The following MBOAT2 variants were observed in gnomAD, a reference collection of about 807,000 sequenced individuals.
MBOAT2 encodes membrane-bound glycerophospholipid O-acyltransferase 2.
A neutral mutation model predicts 63.4 loss-of-function variants in MBOAT2; 28 were observed. That is an observed-to-expected ratio of 0.44 (90% CI 0.33 to 0.61). The LOEUF (loss-of-function observed/expected upper bound fraction) is 0.61. Ranked by LOEUF, MBOAT2 falls within the 20% of genes least tolerant of loss-of-function variation. The pLI is 0.03. For missense variants in MBOAT2, 470 were observed against 605.8 expected (o/e 0.78, Z 2.35); for synonymous variants, 211 against 215.6 (o/e 0.98, Z 0.19).
chr2:8,878,465 T>C (rs1662861699), intron 6 of MBOAT2, among the ~76,000 whole-genome samples: 1 of 152,156 alleles, frequency 6.6e-6, no homozygotes, highest in Non-Finnish European at 1.5e-5. Context: ...GCTCTCTCCT[T>C]AAAAAATACA....
chr2:8,940,816 AAAAACT>A, intron 3 of MBOAT2, among the ~76,000 whole-genome samples: 1 of 152,252 alleles, frequency 6.6e-6, no homozygotes, highest in Admixed American at 6.5e-5. Context: ...GCAAGAATTT[AAAAACT>A]GTTCAGTACA....
rs147599587 is a variant in MBOAT2, at chr2:8,862,826, T to C, written c.1053-104A>G. On this transcript the variant is annotated intron_variant, in intron 10 of 12. Coordinates refer to ENST00000305997, the MANE Select transcript of MBOAT2 (RefSeq NM_138799.4). This position sits in a 1 kb window ranked among gnomAD's most constrained non-coding sequence, Gnocchi z 4.3. ...ATTACCTGACAGGATTTAGGGTAAC[T>C]AGAAAAACAAATACAACTTATCTTA... The C allele has an allele frequency of 8.1e-4, 1,107 of 1,364,804 alleles. 14 individuals are homozygous for C. The East Asian group carries it at 0.019, about 23-fold the overall frequency. 84.5% of individuals were successfully genotyped at this position (1,364,804 alleles called of 1,614,324 possible).
intron 1 of MBOAT2, among the ~76,000 whole-genome samples, chr2:8,991,324 TTAATAA>T: frequency 6.6e-6 from 1 of 152,264 alleles, no homozygotes; most frequent in Middle Eastern, 3.4e-3. Context: ...TGTAAACCAA[TTAATAA>T]TAGTAATACT....
rs138609923 is a variant in MBOAT2 at position 8,858,791 on chromosome 2, T to C, written c.1451A>G (p.Lys484Arg). Residue 484 changes from lysine to arginine, a missense_variant, in exon 13 of 13, where the codon AAA becomes AGA. This residue lies in a region of MBOAT2 where 90 missense variants were observed against 84.9 expected (regional missense o/e 1.06). Coordinates refer to ENST00000305997, the MANE Select transcript of MBOAT2 (RefSeq NM_138799.4). Reference protein sequence around the residue: ...THENIQLSQSKKFDEGENSLG... With the variant: ...THENIQLSQSRKFDEGENSLG... ...AGAATTTTCTCCTTCATCAAACTTTTTGGATTGTGAGAGCTGAATGTTTTC... is the reference window on the plus strand; with the variant it reads ...AGAATTTTCTCCTTCATCAAACTTTCTGGATTGTGAGAGCTGAATGTTTTC... 2 of 1,614,140 alleles carry C rather than the reference T, an allele frequency of 1.2e-6. No homozygotes were observed. Among genetic ancestry groups the C allele is most frequent in the African/African-American group, 1.3e-5 (1 of 75,056 alleles).
At chr2:8,887,385 A>G (rs527829135) in intron 5 of MBOAT2, among the ~76,000 whole-genome samples, 2 of 152,274 alleles carry the variant, frequency 1.3e-5, no homozygotes, top group African/African-American at 2.4e-5. Flanking sequence ...TCTGACAATA[A>G]GAGGGAAAAC....
At chr2:8,969,608 C>CT (rs1234205744) in intron 1 of MBOAT2, among the ~76,000 whole-genome samples, 1 of 152,176 alleles carries the variant, frequency 6.6e-6, no homozygotes, top group Non-Finnish European at 1.5e-5. Flanking sequence ...CACCAGTGTG[C>CT]TGTATTCAGG....
intron 3 of MBOAT2, among the ~76,000 whole-genome samples, chr2:8,937,333 C>G (rs1456770341): frequency 1.3e-5 from 2 of 152,216 alleles, no homozygotes; most frequent in Non-Finnish European, 1.5e-5. Flanking sequence ...CATCACTCAT[C>G]TATTCACCAG....
At chr2:8,925,025 T>G (rs1666842748) in intron 3 of MBOAT2, among the ~76,000 whole-genome samples, 1 of 152,084 alleles carries the variant, frequency 6.6e-6, no homozygotes, top group Non-Finnish European at 1.5e-5. Flanking sequence ...AAACTACCAA[T>G]GTAATGGCAG....
At chr2:8,908,285 T>C (rs1423519489) in intron 4 of MBOAT2, 1 of 179,472 alleles carries the variant, frequency 5.6e-6, no homozygotes, top group Admixed American at 6.2e-5. Context: ...TGAATACTGG[T>C]GTTGAATGGA....
At chr2:8,996,954 T>C (rs767282645) in intron 1 of MBOAT2, among the ~76,000 whole-genome samples, 8 of 152,134 alleles carry the variant, frequency 5.3e-5, no homozygotes, top group Non-Finnish European at 7.4e-5. Context: ...AAAAGATTCG[T>C]GTGCAAGGTG....
In MBOAT2 at chr2:8,862,756, G is replaced by T. The variant is rs1395050409; in HGVS notation, c.1053-34C>A. 7 of 1,593,430 alleles carry T rather than the reference G, an allele frequency of 4.4e-6. No individual in the cohort carries two copies. Among genetic ancestry groups the T allele is most frequent in the Non-Finnish European group, 6.0e-6 (7 of 1,172,516 alleles). ...CATGAAAAACATGGAGAGCCAAGTG[G>T]AGTGAGTGACCCGAGTTTACAAAGC... On this transcript the variant is annotated intron_variant, in intron 10 of 12. Transcript: ENST00000305997. The surrounding 1 kb of genome is among the most constrained non-coding windows in gnomAD (Gnocchi z 4.3).
chr2:8,975,286 T>A (rs943255019), intron 1 of MBOAT2, among the ~76,000 whole-genome samples: 1 of 152,160 alleles, frequency 6.6e-6, no homozygotes, highest in African/African-American at 2.4e-5. Context: ...GAACCTTTAT[T>A]CATACTTTTT....
chr2:8,929,872 A>G (rs1211488165), intron 3 of MBOAT2, among the ~76,000 whole-genome samples: 1 of 152,178 alleles, frequency 6.6e-6, no homozygotes, highest in East Asian at 1.9e-4. Context: ...GATGAATAAT[A>G]TTGAACACAT....
At chr2:8,907,998 A>G (rs565706843) in intron 4 of MBOAT2, among the ~76,000 whole-genome samples, 175 of 152,282 alleles carry the variant, frequency 1.1e-3, no homozygotes, top group African/African-American at 4.0e-3. Flanking sequence ...AAGCAGGCCT[A>G]TTGTATCTTG....
At chr2:8,921,547 C>T (rs929015558) in intron 3 of MBOAT2, among the ~76,000 whole-genome samples, 1 of 152,160 alleles carries the variant, frequency 6.6e-6, no homozygotes, top group African/African-American at 2.4e-5. Context: ...GCTTCTCATT[C>T]CTTCCTATGG....
At chr2:8,929,999 CT>C (rs1321494943) in intron 3 of MBOAT2, among the ~76,000 whole-genome samples, 1 of 152,170 alleles carries the variant, frequency 6.6e-6, no homozygotes, top group Admixed American at 6.5e-5. Flanking sequence ...TTCCCCTCCC[CT>C]GAAACTAAAA....
chr2:8,960,440 G>A (rs1669527088), intron 1 of MBOAT2, among the ~76,000 whole-genome samples: 1 of 152,254 alleles, frequency 6.6e-6, no homozygotes, highest in East Asian at 1.9e-4. Context: ...CAACATCAGA[G>A]TCTTTTTAAT....
intron 9 of MBOAT2, among the ~76,000 whole-genome samples, chr2:8,865,913 T>C (rs772201657): frequency 1.3e-5 from 2 of 152,168 alleles, no homozygotes; most frequent in Admixed American, 6.5e-5. Flanking sequence ...GGCAGGCACC[T>C]GGAATCCCAG....
rs1315315043 is a variant in MBOAT2, at chr2:8,852,966, CAG to C, written c.*5711_*5712del. 6.6e-6 allele frequency: 1 copy of C among 152,088 alleles called. No individual in the cohort carries two copies. The highest frequency in any genetic ancestry group is 1.5e-5 in the Non-Finnish European group (1 of 68,012). 9.4% of individuals were successfully genotyped at this position (152,088 alleles called of 1,614,324 possible). On this transcript the variant is annotated 3_prime_UTR_variant, in exon 13 of 13. Transcript: ENST00000305997. The stretch of plus-strand genomic sequence containing the variant: ...AAAAAATATTTTGGAATAATAAAAA[CAG>C]AAAGCACAGAACACCACATTCTATT...
Sources: gnomAD v4.1 joint callset for allele counts (sites outside exome capture counted in the v4.1 genomes callset) on GRCh38, gnomAD v4.1.1 for gene constraint, gnomAD v4.1.1 regional missense constraint, Gnocchi (gnomAD v3.1) non-coding constraint, MANE v1.5 for transcripts, NCBI Gene and HGNC (gene_info 2026-07-23, HGNC 2026-07-21) for gene names.